MEFV: variants seen among roughly 807,000 people sequenced by gnomAD.
MEFV encodes the protein MEFV innate immunity regulator, pyrin, also known as pyrin.
A neutral mutation model predicts 62.5 loss-of-function variants in MEFV; 60 were observed. The ratio of observed to expected loss-of-function variants is 0.96; its 90% CI spans 0.78 to 1.19. The LOEUF is 1.19. Among genes scored for constraint, MEFV ranks in the 50% most tolerant of loss-of-function variants. The probability of loss-of-function intolerance (pLI) is 0.00; values close to 1 mark genes in which losing one functional copy is unlikely to be tolerated. For missense variants in MEFV, 1,169 were observed against 1,004.5 expected, an observed-to-expected ratio of 1.16 and a Z score of -2.21; for synonymous variants, 500 against 415.2, an observed-to-expected ratio of 1.20 and a Z score of -2.48.
intron 4 of MEFV, 44 bp from the exon 5 acceptor site, chr16:3,247,290 G>A: frequency 6.3e-7 from 1 of 1,580,608 alleles, no homozygotes; most frequent in South Asian, 1.1e-5. Flanking sequence ...TGTGCTGTGG[G>A]TGGACGTGGA....
Position 3,243,524 on chromosome 16 carries a change from A to G in MEFV, c.1963T>C (p.Trp655Arg). The change falls in exon 10 of 10, where the codon TGG becomes CGG. Residue 655 changes from tryptophan to arginine, a missense_variant. Transcript: ENST00000219596. ...SPSFLSGRRY[W>R]EVEVGDKTAW... ...GTCTTGTCTCCAACCTCCACCTCCC[A>G]GTAACGGCGGCCAGAGAGGAAACTC... 6.2e-7 allele frequency: 1 copy of G among 1,613,854 alleles called. No individual in the cohort carries two copies. Among genetic ancestry groups the G allele is most frequent in the Non-Finnish European group, 8.5e-7 (1 of 1,179,866 alleles).
chr16:3,253,812 G>A (rs1425198362), intron 2 of MEFV, among the ~76,000 whole-genome samples: 4 of 152,054 alleles, frequency 2.6e-5, no homozygotes, highest in African/African-American at 7.2e-5. Flanking sequence ...GACTACAGGC[G>A]CGTGCCACTA....
intron 2 of MEFV, among the ~76,000 whole-genome samples, chr16:3,251,170 T>C (rs188007615): frequency 1.9e-4 from 29 of 152,228 alleles, no homozygotes; most frequent in Non-Finnish European, 7.4e-5. Context: ...TCTCCCTCCT[T>C]CTCTCGTGAT....
rs1009462464 is a variant in MEFV, at chr16:3,254,367, G to A, written c.701C>T (p.Pro234Leu). The part of the protein sequence containing the change: ...KECRPFEVYL[P>L]SGKMRPRSLE... ...GCTTCTAGGTCGCATCTTTCCCGAG[G>A]GCAGGTACACTTCGAAGGGCCTGCA... Residue 234 changes from proline (P) to leucine (L), a missense_variant, in exon 2 of 10, where the codon CCC becomes CTC. By Grantham distance (98) the Pro-to-Leu change is moderately conservative. Coordinates refer to ENST00000219596, the MANE Select transcript of MEFV (RefSeq NM_000243.3). 5 of 1,614,190 alleles carry A rather than the reference G, an allele frequency of 3.1e-6. No homozygotes were observed. Among genetic ancestry groups the A allele is most frequent in the South Asian group, 1.1e-5 (1 of 91,092 alleles).
At chr16:3,244,311 G>A (rs1958907344) in intron 7 of MEFV, 25 bp from the exon 8 acceptor site, 4 of 1,613,884 alleles carry the variant, frequency 2.5e-6, no homozygotes, top group Non-Finnish European at 3.4e-6. Flanking sequence ...AGGGAGCAGA[G>A]AGAAGCTGGA....
At chr16:3,253,320 A>T (rs1460643998) in intron 2 of MEFV, among the ~76,000 whole-genome samples, 1 of 152,094 alleles carries the variant, frequency 6.6e-6, no homozygotes, top group Non-Finnish European at 1.5e-5. Flanking sequence ...TGCTGGGGAC[A>T]GCGCCTGCAC....
At chr16:3,254,932 T>G in intron 1 of MEFV, 142 bp from the exon 2 acceptor site, 1 of 1,381,986 alleles carries the variant, frequency 7.2e-7, no homozygotes, top group Non-Finnish European at 9.9e-7. Context: ...GGCTCATGCC[T>G]GTATTCCCGG....
At chr16:3,252,029 C>T in intron 2 of MEFV, 1 of 380,528 alleles carries the variant, frequency 2.6e-6, no homozygotes, top group Non-Finnish European at 5.3e-6. Flanking sequence ...CCAACCTGGG[C>T]AACATAGCAA....
chr16:3,253,393 G>A (rs976032999), intron 2 of MEFV, among the ~76,000 whole-genome samples: 1 of 152,078 alleles, frequency 6.6e-6, no homozygotes, highest in Non-Finnish European at 1.5e-5. Flanking sequence ...CTCTAAAATC[G>A]CCCTGCCTCC....
chr16:3,250,562 C>T (rs1313318846), intron 2 of MEFV, among the ~76,000 whole-genome samples: 1 of 151,440 alleles, frequency 6.6e-6, no homozygotes, highest in African/African-American at 2.4e-5. Context: ...CACTGCACTC[C>T]AGCCTGGGCA....
At position 3,244,513 on chromosome 16, in the gene MEFV, C is replaced by G. The variant is rs779244985; in HGVS notation, c.1686G>C (p.Gln562His). The change falls in exon 7 of 10, where the codon CAG becomes CAC. Residue 562 changes from glutamine to histidine, a missense_variant. Coordinates refer to ENST00000219596, the MANE Select transcript of MEFV (RefSeq NM_000243.3). ...TGCTCTTCTCCACAAACTCTGACTT[C>G]TGGTGGAGGAGTTGGATCTTTTGTT... The part of the protein sequence containing the change: ...EIKQKIQLLH[Q>H]KSEFVEKSTK... 1.2e-6 allele frequency: 2 copies of G among 1,614,178 alleles called. No homozygotes were observed. The highest frequency in any genetic ancestry group is 1.7e-6 in the Non-Finnish European group (2 of 1,180,036).
At position 3,243,879 on chromosome 16, in the gene MEFV, A is replaced by G. The variant is rs141706767; in HGVS notation, c.1773T>C (p.Ile591=). The G allele has an allele frequency of 9.3e-6, 15 of 1,613,850 alleles. No individual in the cohort carries two copies. Among genetic ancestry groups the G allele is most frequent in the Non-Finnish European group, 1.2e-5 (14 of 1,180,028 alleles). ...EMEMFNVPEL[I]GAQAHAVNVI... is the part of the protein sequence containing the mutation. ...ACTTACCAGCATGTGCCTGAGCGCC[A>G]ATCAGCTCCGGAACTACGGAGAAAA... Residue 591 remains isoleucine, a synonymous_variant, in exon 9 of 10, where the codon ATT becomes ATC. Transcript: ENST00000219596.
In MEFV at chr16:3,249,550, G is replaced by C; in HGVS notation, c.1141C>G (p.Gln381Glu). 1 of 1,614,234 alleles carries C rather than the reference G, an allele frequency of 6.2e-7. No individual in the cohort carries two copies. Among genetic ancestry groups the C allele is most frequent in the Non-Finnish European group, 8.5e-7 (1 of 1,180,046 alleles). The change falls in exon 3 of 10, where the codon CAG becomes GAG. Residue 381 changes from glutamine (Q) to glutamate (E), a missense_variant. By Grantham distance (29) the Gln-to-Glu change is conservative. Transcript: ENST00000219596. ...PLPQCKRHLK[Q>E]VQLLFCEDHD... ...TCCTCACAGAAGAGCAGCTGGACCT[G>C]CTTCAGGTGGCGCTTACACTGTGGC...
intron 9 of MEFV, 40 bp downstream of exon 9, chr16:3,243,820 C>T (rs368167760): frequency 1.2e-6 from 2 of 1,610,570 alleles, no homozygotes; most frequent in Non-Finnish European, 1.7e-6. Context: ...GCACAGGGAT[C>T]CAGCAGGCCA....
At chr16:3,254,055 G>T in intron 2 of MEFV, 103 bp downstream of exon 2, 1 of 1,328,572 alleles carries the variant, frequency 7.5e-7, no homozygotes, top group Non-Finnish European at 1.0e-6. Flanking sequence ...CAATCCTCCC[G>T]CCCTGGCCTC....
Position 3,244,568 on chromosome 16 carries a change from G to A in MEFV, c.1631C>T (p.Pro544Leu). ...CTCTTGAGGAGTGGTCCACTTTTCA[G>A]GGACAGGCACTGTCTTAGCCCTAGA... ...ILHRAKTVPV[P>L]EKWTTPQEIK... The change falls in exon 7 of 10, where the codon CCT becomes CTT. Residue 544 changes from proline (P) to leucine (L), a missense_variant. Physicochemically the swap from Pro to Leu is moderately conservative, Grantham distance 98. Coordinates refer to ENST00000219596, the MANE Select transcript of MEFV (RefSeq NM_000243.3). 2 of 1,613,958 alleles carry A rather than the reference G, an allele frequency of 1.2e-6. No individual in the cohort carries two copies. Among genetic ancestry groups the A allele is most frequent in the East Asian group, 4.5e-5 (2 of 44,890 alleles).
At chr16:3,256,236 T>C (rs1959113039) in intron 1 of MEFV, 75 bp downstream of exon 1, 2 of 1,549,118 alleles carry the variant, frequency 1.3e-6, no homozygotes, top group African/African-American at 2.7e-5. Flanking sequence ...TGAGCTGCTC[T>C]GAGCTCCTGG....
intron 5 of MEFV, among the ~76,000 whole-genome samples, chr16:3,246,752 T>C (rs1330696169): frequency 5.9e-5 from 9 of 152,294 alleles, no homozygotes. Flanking sequence ...TGGCGAGGCC[T>C]GCAATGGAAC....
intron 7 of MEFV, 23 bp from the exon 8 acceptor site, chr16:3,244,309 G>C: frequency 6.2e-7 from 1 of 1,614,034 alleles, no homozygotes; most frequent in Non-Finnish European, 8.5e-7. Context: ...AAAGGGAGCA[G>C]AGAGAAGCTG....
Sources: allele counts gnomAD v4.1 joint callset (sites outside exome capture counted in the v4.1 genomes callset), GRCh38; gene constraint gnomAD v4.1.1; transcripts MANE v1.5; gene names NCBI Gene and HGNC (gene_info 2026-07-23, HGNC 2026-07-21).